The following PAK5 variants were observed in gnomAD, a reference collection of about 807,000 sequenced individuals.
PAK5 encodes serine/threonine-protein kinase PAK 5.
A neutral mutation model predicts 65.9 loss-of-function variants in PAK5; 16 were observed. The ratio of observed to expected loss-of-function variants is 0.24; its 90% CI spans 0.16 to 0.37. PAK5 has a LOEUF of 0.37. Among genes scored for constraint, PAK5 ranks in the 10% least tolerant of loss-of-function variants. The probability of loss-of-function intolerance (pLI) is 1.00; values close to 1 mark genes in which losing one functional copy is unlikely to be tolerated. For missense variants in PAK5, 785 were observed against 903.9 expected (o/e 0.87, Z 1.69); for synonymous variants, 371 against 354.9 (o/e 1.05, Z -0.51).
chr20:9,652,384 T>C (rs1283146303), intron 2 of PAK5, among the ~76,000 whole-genome samples: 1 of 152,182 alleles, frequency 6.6e-6, no homozygotes, highest in Non-Finnish European at 1.5e-5. Flanking sequence ...TAGGAAAATC[T>C]AAAAATCTTG....
In PAK5 at chr20:9,537,991, G is replaced by A. The variant is rs1481357806; in HGVS notation, c.*1471C>T. 1 of 231,996 alleles carries A rather than the reference G, an allele frequency of 4.3e-6. No homozygotes were observed. The highest frequency in any genetic ancestry group is 8.5e-6 in the Non-Finnish European group (1 of 117,150). 14.4% of individuals were successfully genotyped at this position (231,996 alleles called of 1,614,324 possible). A position where few individuals can be genotyped will look rare whatever the true frequency, so the allele number is the denominator to read the frequency against. The stretch of plus-strand genomic sequence containing the variant: ...TAAATTCATATTTGTTACAGTATGT[G>A]AAATAGTTAAGAAAAGCCTCTGTTT... On this transcript the variant is annotated 3_prime_UTR_variant, in exon 10 of 10. Transcript: ENST00000353224.
chr20:9,653,336 TCTC>T (rs1368900890), intron 2 of PAK5, among the ~76,000 whole-genome samples: 1 of 152,118 alleles, frequency 6.6e-6, no homozygotes, highest in African/African-American at 2.4e-5. Flanking sequence ...TAAGTTTACT[TCTC>T]CTTTATGCCA....
chr20:9,559,151 A>C (rs1229188296), intron 6 of PAK5, among the ~76,000 whole-genome samples: 1 of 152,164 alleles, frequency 6.6e-6, no homozygotes, highest in Non-Finnish European at 1.5e-5. Context: ...TCATTTAGGC[A>C]GCTGCCTAAC....
At chr20:9,764,246 T>A (rs1366617412) in intron 1 of PAK5, among the ~76,000 whole-genome samples, 1 of 152,174 alleles carries the variant, frequency 6.6e-6, no homozygotes, top group Non-Finnish European at 1.5e-5. Flanking sequence ...TCAAGACAGC[T>A]CTAAATTAGG....
intron 2 of PAK5, among the ~76,000 whole-genome samples, chr20:9,674,429 G>C (rs559581363): frequency 4.6e-5 from 7 of 152,142 alleles, no homozygotes; most frequent in African/African-American, 1.7e-4. Context: ...GGAAGAATAC[G>C]ATACAAGCTT....
At chr20:9,755,559 T>C (rs1290854245) in intron 1 of PAK5, among the ~76,000 whole-genome samples, 5 of 152,178 alleles carry the variant, frequency 3.3e-5, no homozygotes, top group Non-Finnish European at 7.4e-5. Context: ...GATTCAGCCA[T>C]GCATCTGACA....
Position 9,656,456 on chromosome 20 carries a change from A to C in PAK5, c.-11-12117T>G, listed in dbSNP as rs566775264. Among the ~76,000 whole-genome samples, 32 of 152,270 alleles carry C rather than the reference A, an allele frequency of 2.1e-4. No homozygotes were observed. The South Asian group carries it at 6.4e-3, about 31-fold the overall frequency. Reference sequence around the variant, plus strand: ...GGGCAGAGTGGAAGAGAGAGGACCCAGTCCTCTTTGATTTTTTCCTTGTAT... The same window carrying C: ...GGGCAGAGTGGAAGAGAGAGGACCCCGTCCTCTTTGATTTTTTCCTTGTAT... On this transcript the variant is annotated intron_variant, in intron 2 of 9. Transcript: ENST00000353224.
chr20:9,828,590 T>C (rs543373614), intron 1 of PAK5, among the ~76,000 whole-genome samples: 1 of 152,152 alleles, frequency 6.6e-6, no homozygotes, highest in Non-Finnish European at 1.5e-5. Context: ...AATGTAGCTA[T>C]AAAATAAGGG....
At chr20:9,782,594 C>T (rs1360524938) in intron 1 of PAK5, among the ~76,000 whole-genome samples, 3 of 152,086 alleles carry the variant, frequency 2.0e-5, no homozygotes, top group African/African-American at 7.2e-5. Context: ...GGGTTAAAAC[C>T]GGATGACAGG....
intron 7 of PAK5, among the ~76,000 whole-genome samples, chr20:9,552,526 C>T (rs1175622327): frequency 6.6e-6 from 1 of 152,170 alleles, no homozygotes; most frequent in Admixed American, 6.5e-5. Flanking sequence ...ATCCCAAACA[C>T]CACATTCTCC....
intron 3 of PAK5, among the ~76,000 whole-genome samples, chr20:9,613,056 TTA>T (rs2046593499): frequency 1.3e-5 from 2 of 152,202 alleles, no homozygotes; most frequent in Admixed American, 6.5e-5. Flanking sequence ...TGGCAACTAC[TTA>T]ACTACTCTGC....
chr20:9,773,594 T>C (rs1234987985), intron 1 of PAK5, among the ~76,000 whole-genome samples: 1 of 152,002 alleles, frequency 6.6e-6, no homozygotes, highest in Non-Finnish European at 1.5e-5. Flanking sequence ...CTAGGAAGTA[T>C]ATGAGAAAGA....
intron 2 of PAK5, among the ~76,000 whole-genome samples, chr20:9,649,351 C>T (rs998802641): frequency 1.3e-5 from 2 of 152,172 alleles, no homozygotes; most frequent in Non-Finnish European, 2.9e-5. Flanking sequence ...ATCCTTGTTT[C>T]TGAAAGTTTA....
intron 4 of PAK5, among the ~76,000 whole-genome samples, chr20:9,574,537 A>G (rs16996080): frequency 0.1 from 15,390 of 152,240 alleles, 884 homozygotes; most frequent in East Asian, 0.24. Flanking sequence ...TTGTTCAAAT[A>G]TGTCAGGGCC....
intron 1 of PAK5, among the ~76,000 whole-genome samples, chr20:9,759,203 G>T (rs1252987557): frequency 2.2e-4 from 34 of 152,136 alleles, no homozygotes; most frequent in Admixed American, 2.2e-3. Flanking sequence ...ATAAGATGAT[G>T]CAGAATGTAG....
intron 3 of PAK5, among the ~76,000 whole-genome samples, chr20:9,629,738 G>A (rs550257559): frequency 6.7e-4 from 102 of 152,266 alleles, no homozygotes; most frequent in Non-Finnish European, 1.1e-3. Flanking sequence ...GTCACATTGG[G>A]GATTAGCATC....
intron 1 of PAK5, among the ~76,000 whole-genome samples, chr20:9,758,659 A>C (rs1235695726): frequency 6.6e-6 from 1 of 152,174 alleles, no homozygotes; most frequent in Non-Finnish European, 1.5e-5. Flanking sequence ...AAAACTTGCC[A>C]AGGCTAAAAT....
chr20:9,715,838 T>G (rs1176760373), intron 1 of PAK5, among the ~76,000 whole-genome samples: 1 of 145,638 alleles, frequency 6.9e-6, no homozygotes, highest in South Asian at 2.1e-4. Flanking sequence ...TAGGTGGGAA[T>G]TGAACAATGA....
intron 4 of PAK5, among the ~76,000 whole-genome samples, chr20:9,576,367 C>T (rs563404839): frequency 6.6e-6 from 1 of 152,258 alleles, no homozygotes; most frequent in Admixed American, 6.5e-5. Flanking sequence ...CAAGTTTGCC[C>T]TCTTCTGCCT....
Sources: allele counts gnomAD v4.1 joint callset (sites outside exome capture counted in the v4.1 genomes callset), GRCh38; gene constraint gnomAD v4.1.1; transcripts MANE v1.5; gene names NCBI Gene and HGNC (gene_info 2026-07-23, HGNC 2026-07-21).